RAB2A: variants seen among roughly 807,000 people sequenced by gnomAD.
RAB2A encodes the protein RAB2A, member RAS oncogene family.
Under a neutral mutation model 32.5 loss-of-function variants are expected in RAB2A, and 7 were observed. The observed-to-expected ratio is 0.22, with a 90% CI of 0.12 to 0.40. The LOEUF is 0.40. Among genes scored for constraint, RAB2A ranks in the 10% least tolerant of loss-of-function variants. The probability of loss-of-function intolerance (pLI) is 1.00; values close to 1 mark genes in which losing one functional copy is unlikely to be tolerated. For synonymous variants in RAB2A, 79 were observed against 85.2 expected (o/e 0.93, Z 0.40); for missense variants, 108 against 260.7 (o/e 0.41, Z 4.03).
chr8:60,601,300 A>G (rs751617762), intron 6 of RAB2A, among the ~76,000 whole-genome samples: 2 of 152,056 alleles, frequency 1.3e-5, no homozygotes, highest in Admixed American at 1.3e-4. Context: ...CTAGCAAATA[A>G]TAATTAATGT....
At chr8:60,581,422 G>A (rs751888556) in intron 3 of RAB2A, among the ~76,000 whole-genome samples, 10 of 152,190 alleles carry the variant, frequency 6.6e-5, no homozygotes, top group Non-Finnish European at 8.8e-5. Flanking sequence ...GCAGGACGGA[G>A]CAGCAGGATA....
intron 1 of RAB2A, among the ~76,000 whole-genome samples, chr8:60,557,772 A>G (rs752924758): frequency 6.6e-6 from 1 of 150,430 alleles, no homozygotes. Flanking sequence ...CTGTCTCCCT[A>G]TGTTGCCCAG....
chr8:60,540,743 A>G (rs1586069746), intron 1 of RAB2A, among the ~76,000 whole-genome samples: 1 of 152,220 alleles, frequency 6.6e-6, no homozygotes, highest in Admixed American at 6.5e-5. Flanking sequence ...TGGCCTTCCA[A>G]AGTGCTGGGA....
chr8:60,584,625 A>T, intron 4 of RAB2A, 98 bp from the exon 5 acceptor site: 1 of 965,982 alleles, frequency 1.0e-6, no homozygotes, highest in Non-Finnish European at 1.6e-6. Context: ...ATAAGTGGAT[A>T]TGGCTAAAAG....
At chr8:60,561,324 T>C (rs1214446266) in intron 2 of RAB2A, among the ~76,000 whole-genome samples, 1 of 152,224 alleles carries the variant, frequency 6.6e-6, no homozygotes, top group African/African-American at 2.4e-5. Context: ...TTTCTAACTT[T>C]TACAGTTGGT....
intron 3 of RAB2A, among the ~76,000 whole-genome samples, chr8:60,573,883 A>G (rs1352023994): frequency 6.6e-6 from 1 of 152,236 alleles, no homozygotes; most frequent in African/African-American, 2.4e-5. Flanking sequence ...CCTGGGCTCA[A>G]GCAGTCCTCC....
At chr8:60,564,150 C>T (rs2875973) in intron 2 of RAB2A, among the ~76,000 whole-genome samples, 71,326 of 152,004 alleles carry the variant, frequency 0.47, 17,751 homozygotes, top group African/African-American at 0.64. Flanking sequence ...TTTAAGCAGA[C>T]ATCTTTGCTA....
At chr8:60,616,781 C>T (rs368378422) in intron 6 of RAB2A, among the ~76,000 whole-genome samples, 10 of 152,206 alleles carry the variant, frequency 6.6e-5, no homozygotes, top group Non-Finnish European at 1.2e-4. Flanking sequence ...CTGCCGCAGA[C>T]GTTCAGATCT....
At chr8:60,533,259 C>T (rs1036733210) in intron 1 of RAB2A, among the ~76,000 whole-genome samples, 6 of 152,190 alleles carry the variant, frequency 3.9e-5, no homozygotes, top group Non-Finnish European at 5.9e-5. Flanking sequence ...GCAGGTTCTA[C>T]CCTGTCAGAC....
At chr8:60,528,424 C>T (rs759984202) in intron 1 of RAB2A, among the ~76,000 whole-genome samples, 3 of 152,148 alleles carry the variant, frequency 2.0e-5, no homozygotes, top group Non-Finnish European at 4.4e-5. Flanking sequence ...CCAAATCTGA[C>T]CAGTGCTGTA....
chr8:60,547,977 C>G (rs1223769857), intron 1 of RAB2A, among the ~76,000 whole-genome samples: 1 of 56,320 alleles, frequency 1.8e-5, no homozygotes, highest in Non-Finnish European at 3.6e-5. Flanking sequence ...CCCCTCACTT[C>G]CCGGACGGGG....
In RAB2A at chr8:60,517,192, C is replaced by T; in HGVS notation, c.-16C>T. ...GGAGGAGGAGCCGTGTGCCCTGGCA[C>T]TGAGCGGCCGCGGCCATGGCGTACG... On this transcript the variant is annotated 5_prime_UTR_variant, in exon 1 of 8. Transcript: ENST00000262646. 2 of 1,488,264 alleles carry T rather than the reference C, an allele frequency of 1.3e-6. No individual in the cohort carries two copies. Among genetic ancestry groups the T allele is most frequent in the South Asian group, 1.3e-5 (1 of 77,996 alleles). The allele number at this position is 1,488,264 out of a possible 1,614,324, so 92.2% of individuals were successfully genotyped here. A position where few individuals can be genotyped will look rare whatever the true frequency, so the allele number is the denominator to read the frequency against.
chr8:60,618,753 T>C (rs1804487791), intron 7 of RAB2A, 105 bp downstream of exon 7: 1 of 397,996 alleles, frequency 2.5e-6, no homozygotes, highest in African/African-American at 2.1e-5. Context: ...ATTTTTTTAA[T>C]TCCTAAAATC....
At chr8:60,620,585 T>A in intron 7 of RAB2A, 89 bp from the exon 8 acceptor site, 1 of 942,784 alleles carries the variant, frequency 1.1e-6, no homozygotes, top group Admixed American at 1.9e-5. Flanking sequence ...TTGATAAAAT[T>A]GTATCATAAA....
chr8:60,620,588 A>G (rs1461725616), intron 7 of RAB2A, 86 bp from the exon 8 acceptor site: 8 of 966,158 alleles, frequency 8.3e-6, no homozygotes, highest in South Asian at 1.4e-5. Flanking sequence ...ATAAAATTGT[A>G]TCATAAAGAA....
chr8:60,586,651 T>C (rs924025370), intron 5 of RAB2A, among the ~76,000 whole-genome samples: 1 of 152,132 alleles, frequency 6.6e-6, no homozygotes, highest in African/African-American at 2.4e-5. Flanking sequence ...GTACAATGGC[T>C]CACATCTGTA....
rs150407587 is a variant in RAB2A at position 60,622,412 on chromosome 8, G to T, written c.*1643G>T. On this transcript the variant is annotated 3_prime_UTR_variant, in exon 8 of 8. Transcript: ENST00000262646. ...GTTTTGTTTTAACTGTCTCCTTGAG[G>T]GCAGAGGGAAGGGTGAGAGAAAATC... The T allele has an allele frequency of 6.1e-4, 93 of 152,310 alleles. No individual in the cohort carries two copies. The highest frequency in any genetic ancestry group is 2.0e-3 in the African/African-American group (85 of 41,554). 9.4% of individuals were successfully genotyped at this position (152,310 alleles called of 1,614,324 possible). A position where few individuals can be genotyped will look rare whatever the true frequency, so the allele number is the denominator to read the frequency against.
intron 6 of RAB2A, among the ~76,000 whole-genome samples, chr8:60,612,896 A>C (rs539377434): frequency 6.6e-6 from 1 of 152,322 alleles, no homozygotes; most frequent in Admixed American, 6.5e-5. Context: ...TCATTCCAAA[A>C]GGTGGCCCCT....
intron 3 of RAB2A, among the ~76,000 whole-genome samples, chr8:60,583,826 T>G (rs1803804519): frequency 6.6e-6 from 1 of 152,220 alleles, no homozygotes; most frequent in African/African-American, 2.4e-5. Context: ...AATGTGAGGC[T>G]CTGGGTTATT....
Sources: allele counts gnomAD v4.1 joint callset (sites outside exome capture counted in the v4.1 genomes callset), GRCh38; gene constraint gnomAD v4.1.1; transcripts MANE v1.5; gene names NCBI Gene and HGNC (gene_info 2026-07-23, HGNC 2026-07-21).